RAB27B: variants seen among roughly 807,000 people sequenced by gnomAD.
RAB27B encodes the protein ras-related protein Rab-27B.
Under a neutral mutation model 24.6 loss-of-function variants are expected in RAB27B, and 15 were observed. The observed-to-expected ratio is 0.61, with a 90% CI of 0.41 to 0.94. The LOEUF (loss-of-function observed/expected upper bound fraction) is 0.94. RAB27B is among the 40% of genes least tolerant of loss of function. RAB27B has a pLI of 0.00. For synonymous variants in RAB27B, 105 were observed against 92.5 expected, an observed-to-expected ratio of 1.14 and a Z score of -0.78; for missense variants, 261 against 266.8, an observed-to-expected ratio of 0.98 and a Z score of 0.15.
At position 54,850,333 on chromosome 18, in the gene RAB27B, G is replaced by GACATATATATATATATATAT. The variant is rs869079784; in HGVS notation, c.-20+21634_-20+21635insCATATATATATATATATATA. Among the ~76,000 whole-genome samples the GACATATATATATATATATAT allele has an allele frequency of 8.4e-3, 800 of 95,080 alleles. 54 individuals are homozygous for GACATATATATATATATATAT. Among genetic ancestry groups the GACATATATATATATATATAT allele is most frequent in the East Asian group, 0.018 (62 of 3,414 alleles). The allele number at this position is 95,080 out of a possible 152,430, so 62.4% of individuals were successfully genotyped here. The stretch of plus-strand genomic sequence containing the variant: ...TATTTATTTAAAAGCAAACAAACAG[G>GACATATATATATATATATAT]ATATATATATATATATATATATATA... On this transcript the variant is annotated intron_variant, in intron 1 of 5. Coordinates refer to ENST00000262094, the MANE Select transcript of RAB27B (RefSeq NM_004163.4).
chr18:54,752,176 T>G (rs1907854519), intron 2 of RAB27B, among the ~76,000 whole-genome samples: 1 of 152,186 alleles, frequency 6.6e-6, no homozygotes, highest in South Asian at 2.1e-4. Context: ...TTTTTCAAAT[T>G]TATTTTAAAA....
At chr18:54,724,371 G>C (rs1451501581) in intron 2 of RAB27B, among the ~76,000 whole-genome samples, 1 of 151,518 alleles carries the variant, frequency 6.6e-6, no homozygotes, top group Non-Finnish European at 1.5e-5. Context: ...GTTAATGCAT[G>C]CTTAGGCTAC....
At chr18:54,772,488 T>C (rs1270573235) in intron 2 of RAB27B, among the ~76,000 whole-genome samples, 4 of 152,218 alleles carry the variant, frequency 2.6e-5, no homozygotes, top group African/African-American at 9.7e-5. Context: ...CCATGTTGAT[T>C]GTTCCTACGA....
Position 54,894,019 on chromosome 18 carries a change from T to G in RAB27B, c.*4606T>G, listed in dbSNP as rs1441573089. On this transcript the variant is annotated 3_prime_UTR_variant, in exon 6 of 6. Transcript: ENST00000262094. Reference sequence around the variant, plus strand: ...TTGTTGGCATAAAAATGTGATACACTTAGAGACATTTTGTTTATTGCATAT... The same window carrying G: ...TTGTTGGCATAAAAATGTGATACACGTAGAGACATTTTGTTTATTGCATAT... The G allele has an allele frequency of 6.6e-6, 1 of 151,952 alleles. No homozygotes were observed. Among genetic ancestry groups the G allele is most frequent in the East Asian group, 1.9e-4 (1 of 5,186 alleles). The allele number at this position is 151,952 out of a possible 1,614,324, so 9.4% of individuals were successfully genotyped here. A position where few individuals can be genotyped will look rare whatever the true frequency, so the allele number is the denominator to read the frequency against.
chr18:54,749,341 T>A (rs1229646872), intron 2 of RAB27B, among the ~76,000 whole-genome samples: 1 of 152,194 alleles, frequency 6.6e-6, no homozygotes, highest in Non-Finnish European at 1.5e-5. Flanking sequence ...AGCACTCGCA[T>A]GCTGAAACGC....
At chr18:54,808,695 AATG>A (rs1909871258) in intron 2 of RAB27B, among the ~76,000 whole-genome samples, 2 of 152,234 alleles carry the variant, frequency 1.3e-5, no homozygotes, top group Admixed American at 1.3e-4. Flanking sequence ...AATGTAAAAT[AATG>A]ATCATGTGTA....
intron 1 of RAB27B, among the ~76,000 whole-genome samples, chr18:54,870,959 A>G (rs1453449278): frequency 6.6e-6 from 1 of 152,236 alleles, no homozygotes; most frequent in African/African-American, 2.4e-5. Flanking sequence ...AATTTAGTAT[A>G]TGTTTGAAAT....
chr18:54,861,213 A>G (rs1460283869), intron 1 of RAB27B, among the ~76,000 whole-genome samples: 1 of 152,192 alleles, frequency 6.6e-6, no homozygotes, highest in Non-Finnish European at 1.5e-5. Context: ...TAGAAAATGA[A>G]CCCAATTTGC....
At chr18:54,854,108 T>C (rs1412730084) in intron 1 of RAB27B, among the ~76,000 whole-genome samples, 1 of 152,058 alleles carries the variant, frequency 6.6e-6, no homozygotes, top group Non-Finnish European at 1.5e-5. Flanking sequence ...GGCAGAGAGG[T>C]TTCTTCCAGG....
At chr18:54,801,026 T>TGTTTTG (rs1015258835) in intron 2 of RAB27B, among the ~76,000 whole-genome samples, 1 of 139,162 alleles carries the variant, frequency 7.2e-6, no homozygotes, top group African/African-American at 2.9e-5. Context: ...TTTTTTTTTT[T>TGTTTTG]TTTTTTAACA....
chr18:54,781,135 G>A (rs1940097145), intron 2 of RAB27B, among the ~76,000 whole-genome samples: 1 of 152,016 alleles, frequency 6.6e-6, no homozygotes, highest in South Asian at 2.1e-4. Context: ...AGCTAGCTGT[G>A]GCTCCCTCCT....
chr18:54,794,248 A>G (rs904731508), intron 2 of RAB27B, among the ~76,000 whole-genome samples: 19 of 152,260 alleles, frequency 1.2e-4, no homozygotes, highest in African/African-American at 4.6e-4. Flanking sequence ...AGAAAACACT[A>G]GATAATAGTC....
chr18:54,745,968 T>C (rs531469948), intron 2 of RAB27B, among the ~76,000 whole-genome samples: 2 of 151,444 alleles, frequency 1.3e-5, no homozygotes, highest in East Asian at 1.9e-4. Flanking sequence ...TAGCAACTAA[T>C]ATACAGCGAT....
chr18:54,747,977 G>A (rs1910307289), intron 2 of RAB27B, among the ~76,000 whole-genome samples: 1 of 151,990 alleles, frequency 6.6e-6, no homozygotes, highest in Non-Finnish European at 1.5e-5. Context: ...GCTTGGTGAT[G>A]TTGCTGTTGT....
chr18:54,850,928 C>G (rs900676048), intron 1 of RAB27B, among the ~76,000 whole-genome samples: 75 of 151,988 alleles, frequency 4.9e-4, no homozygotes, highest in African/African-American at 1.8e-3. Context: ...AACCTCAGGC[C>G]TCCTACTCAT....
rs561495180 is a variant in RAB27B at position 54,870,947 on chromosome 18, C to A, written c.-19-6620C>A. ...TGAGTGATCGATTATACTATTCTCT[C>A]AAATTTAGTATATGTTTGAAATTTT... On this transcript the variant is annotated intron_variant, in intron 1 of 5. Transcript: ENST00000262094. Among the ~76,000 whole-genome samples the A allele has an allele frequency of 2.6e-5, 4 of 152,190 alleles. No homozygotes were observed. The South Asian group carries it at 8.3e-4, about 32-fold the overall frequency.
intron 2 of RAB27B, among the ~76,000 whole-genome samples, chr18:54,762,086 AG>A (rs1184501993): frequency 6.6e-6 from 1 of 152,250 alleles, no homozygotes; most frequent in East Asian, 1.9e-4. Context: ...CTACAAGCCA[AG>A]GAACAACAGA....
At position 54,890,497 on chromosome 18, in the gene RAB27B, G is replaced by A. The variant is rs944632489; in HGVS notation, c.*1084G>A. On this transcript the variant is annotated 3_prime_UTR_variant, in exon 6 of 6. Transcript: ENST00000262094. ...TTTCCTTTTAGTTTACAAAAGTACT[G>A]GAAACTAAATCATATTTCTTCCCTC... 1 of 152,094 alleles carries A rather than the reference G, an allele frequency of 6.6e-6. No homozygotes were observed. Among genetic ancestry groups the A allele is most frequent in the Non-Finnish European group, 1.5e-5 (1 of 67,984 alleles). 9.4% of individuals were successfully genotyped at this position (152,094 alleles called of 1,614,324 possible). A position where few individuals can be genotyped will look rare whatever the true frequency, so the allele number is the denominator to read the frequency against.
intron 2 of RAB27B, among the ~76,000 whole-genome samples, chr18:54,740,330 T>C (rs1368213597): frequency 1.3e-5 from 2 of 152,206 alleles, no homozygotes; most frequent in Non-Finnish European, 2.9e-5. Context: ...GAAAGAGTTA[T>C]AGAGCCTCAG....
Sources: gnomAD v4.1 joint callset for allele counts (sites outside exome capture counted in the v4.1 genomes callset) on GRCh38, gnomAD v4.1.1 for gene constraint, MANE v1.5 for transcripts, NCBI Gene and HGNC (gene_info 2026-07-23, HGNC 2026-07-21) for gene names.